The following EFCAB5 variants were observed in gnomAD, a reference collection of about 807,000 sequenced individuals.
The protein encoded by EFCAB5 is EF-hand calcium binding domain 5.
In EFCAB5, 131 loss-of-function variants were observed where a neutral mutation model predicts 167.9. The observed-to-expected ratio is 0.78, with a 90% CI of 0.68 to 0.90. EFCAB5 has a LOEUF of 0.90. EFCAB5 is among the 40% of genes least tolerant of loss of function. The pLI, the probability that EFCAB5 is intolerant of heterozygous loss-of-function variation, is 0.00. For missense variants in EFCAB5, 1,663 were observed against 1,745.2 expected (o/e 0.95, Z 0.84); for synonymous variants, 574 against 602.8 (o/e 0.95, Z 0.70).
At chr17:30,069,490 T>A (rs1435293937) in intron 14 of EFCAB5, 2 of 1,597,360 alleles carry the variant, frequency 1.3e-6, no homozygotes, top group African/African-American at 2.7e-5. Context: ...ACCAGTTAGT[T>A]GTGGGGGCAA....
intron 3 of EFCAB5, among the ~76,000 whole-genome samples, chr17:29,963,095 C>T (rs560752381): frequency 2.0e-5 from 3 of 151,970 alleles, no homozygotes; most frequent in African/African-American, 4.8e-5. Context: ...GCATGTGCTA[C>T]CACACCCAGC....
chr17:29,968,950 A>C lies in EFCAB5; in HGVS notation c.350A>C (p.Asn117Thr), dbSNP rs2067890484. 6.3e-7 allele frequency: 1 copy of C among 1,588,118 alleles called. No homozygotes were observed. Among genetic ancestry groups the C allele is most frequent in the Non-Finnish European group, 8.6e-7 (1 of 1,166,958 alleles). ...AAGCCAGAGCACACATGGAAGAAAAACCTTTTTGAAAGAATGGAGGCAAGA... is the reference window on the plus strand; with the variant it reads ...AAGCCAGAGCACACATGGAAGAAAACCCTTTTTGAAAGAATGGAGGCAAGA... ...KSKPEHTWKK[N>T]LFERMEARAQ... Residue 117 changes from asparagine to threonine, a missense_variant, in exon 4 of 23, where the codon AAC becomes ACC. Transcript: ENST00000394835.
rs1180178203 is a variant in EFCAB5, at chr17:29,997,243, TA to T, written c.973+898del. 5.1e-3 allele frequency among the ~76,000 whole-genome samples: 662 copies of T among 130,540 alleles called. 1 individual carries two copies. The highest frequency in any genetic ancestry group is 0.018 in the East Asian group (85 of 4,618). 85.6% of individuals were successfully genotyped at this position (130,540 alleles called of 152,430 possible). Reference sequence around the variant, plus strand: ...CTGGGTGACAGAGTGAGACTCCTTCTAAAAAAAAAAAAAAAGAAAGAAAGAA... The same window carrying T: ...CTGGGTGACAGAGTGAGACTCCTTCTAAAAAAAAAAAAAAGAAAGAAAGAA... On this transcript the variant is annotated intron_variant, in intron 6 of 22. Coordinates refer to ENST00000394835, the MANE Select transcript of EFCAB5 (RefSeq NM_198529.4).
chr17:30,023,710 C>T (rs1356955699), intron 7 of EFCAB5, among the ~76,000 whole-genome samples: 1 of 152,072 alleles, frequency 6.6e-6, no homozygotes, highest in Admixed American at 6.6e-5. Flanking sequence ...ATACCAAAGC[C>T]GGGCAGAGAC....
chr17:30,056,255 G>A, intron 12 of EFCAB5, 99 bp downstream of exon 12: 1 of 1,059,016 alleles, frequency 9.4e-7, no homozygotes. Context: ...AGCTAAGGCA[G>A]AATGGGAAGG....
chr17:30,050,143 T>G (rs2070046167), intron 8 of EFCAB5, among the ~76,000 whole-genome samples: 1 of 151,860 alleles, frequency 6.6e-6, no homozygotes, highest in Non-Finnish European at 1.5e-5. Flanking sequence ...TTTTTTTCTT[T>G]TTTTTTTTTA....
intron 22 of EFCAB5, among the ~76,000 whole-genome samples, chr17:30,096,652 CATATATATATAT>C (rs200424980): frequency 9.6e-5 from 9 of 93,564 alleles, no homozygotes; most frequent in African/African-American, 4.1e-4. Flanking sequence ...ATCCTGAAAG[CATATATATATAT>C]ATATATATAT....
chr17:30,008,615 T>C lies in EFCAB5; in HGVS notation c.1044+8639T>C, dbSNP rs9899542. Among the ~76,000 whole-genome samples the C allele has an allele frequency of 6.3e-3, 961 of 152,046 alleles. 5 individuals carry two copies. The highest frequency in any genetic ancestry group is 0.022 in the African/African-American group (922 of 41,514). ...AAAAAAAAAAAATTTTTTTATATTT[T>C]AAAATTTAAAATTAATGAAGTTAAT... On this transcript the variant is annotated intron_variant, in intron 7 of 22. Coordinates refer to ENST00000394835, the MANE Select transcript of EFCAB5 (RefSeq NM_198529.4).
At chr17:30,081,285 G>A (rs1199450895) in intron 17 of EFCAB5, among the ~76,000 whole-genome samples, 1 of 152,174 alleles carries the variant, frequency 6.6e-6, no homozygotes, top group Non-Finnish European at 1.5e-5. Flanking sequence ...GACCCACAAA[G>A]CGGGAATGAA....
rs772126405 is a variant in EFCAB5, at chr17:30,055,954, A to G, written c.2261A>G (p.Lys754Arg). ...CEPKSQKIEGKSWSGEFFTCN... is the reference protein window; with the variant it reads ...CEPKSQKIEGRSWSGEFFTCN... ...CCCAAGTCCCAAAAAATAGAAGGAA[A>G]GTCATGGTCAGGTAACTCCTCATTT... Residue 754 changes from lysine to arginine, a missense_variant, in exon 11 of 23, where the codon AAG (lysine) becomes AGG (arginine). Transcript: ENST00000394835. 1 of 1,613,740 alleles carries G rather than the reference A, an allele frequency of 6.2e-7. No individual in the cohort carries two copies. Among genetic ancestry groups the G allele is most frequent in the Non-Finnish European group, 8.5e-7 (1 of 1,179,780 alleles).
chr17:30,108,251 T>C lies in EFCAB5; in HGVS notation c.*227T>C, dbSNP rs996986686. 1.0e-5 allele frequency: 4 copies of C among 381,114 alleles called. No individual in the cohort carries two copies. The highest frequency in any genetic ancestry group is 1.9e-5 in the Non-Finnish European group (4 of 214,206). The allele number at this position is 381,114 out of a possible 1,614,324, so 23.6% of individuals were successfully genotyped here. ...TAGCCAAGTGTATTTAAGTATGTTA[T>C]AGAATATATTTGAAAGCTTCCTTTC... On this transcript the variant is annotated 3_prime_UTR_variant, in exon 23 of 23. Transcript: ENST00000394835.
chr17:30,072,736 G>T (rs1055235618), intron 14 of EFCAB5, among the ~76,000 whole-genome samples: 1 of 152,114 alleles, frequency 6.6e-6, no homozygotes, highest in Admixed American at 6.5e-5. Flanking sequence ...CTTATCAAAA[G>T]TCCTATAGTA....
At chr17:29,937,142 C>T (rs1243808048), upstream of EFCAB5, among the ~76,000 whole-genome samples, 1 of 152,136 alleles carries the variant, frequency 6.6e-6, no homozygotes, top group Non-Finnish European at 1.5e-5. Context: ...CTTCACAGGC[C>T]AAACAGGCAA....
intron 22 of EFCAB5, among the ~76,000 whole-genome samples, chr17:30,105,180 C>T (rs1315384466): frequency 6.6e-6 from 1 of 152,074 alleles, no homozygotes; most frequent in Non-Finnish European, 1.5e-5. Context: ...TGCAGGGTTT[C>T]CAGGAAACTA....
In EFCAB5 at chr17:30,104,337, C is replaced by A. The variant is rs936520476; in HGVS notation, c.4322-3497C>A. On this transcript the variant is annotated intron_variant, in intron 22 of 22. Transcript: ENST00000394835. Reference sequence around the variant, plus strand: ...TTAATCCAGTGTTAAAAGCAGGGATCCATAAATGGAGTTTTAATTCAGAAA... The same window carrying A: ...TTAATCCAGTGTTAAAAGCAGGGATACATAAATGGAGTTTTAATTCAGAAA... 1.7e-4 allele frequency among the ~76,000 whole-genome samples: 26 copies of A among 152,158 alleles called. 1 individual carries two copies. Among genetic ancestry groups the A allele is most frequent in the African/African-American group, 5.6e-4 (23 of 41,430 alleles).
intron 19 of EFCAB5, 124 bp from the exon 20 acceptor site, chr17:30,090,297 C>T (rs970905452): frequency 4.7e-6 from 6 of 1,278,490 alleles, no homozygotes; most frequent in African/African-American, 1.5e-5. Flanking sequence ...GCAGATGAAA[C>T]AGCAAGAAGG....
At chr17:30,010,666 T>C (rs1395669731) in intron 7 of EFCAB5, among the ~76,000 whole-genome samples, 1 of 152,246 alleles carries the variant, frequency 6.6e-6, no homozygotes, top group African/African-American at 2.4e-5. Flanking sequence ...GATTTTTTCT[T>C]GTAAATTTGT....
At chr17:30,019,018 ACACCAGTTTGTTTT>A (rs1474353951) in intron 7 of EFCAB5, among the ~76,000 whole-genome samples, 1 of 152,070 alleles carries the variant, frequency 6.6e-6, no homozygotes, top group East Asian at 1.9e-4. Context: ...TCCTAGCCTG[ACACCAGTTTGTTTT>A]CACTTTGAAT....
chr17:30,057,732 G>A lies in EFCAB5; in HGVS notation c.2422G>A (p.Ala808Thr), dbSNP rs748480108. Residue 808 changes from alanine (A) to threonine (T), a missense_variant, in exon 13 of 23, where the codon GCC becomes ACC. Ala to Thr is a moderately conservative substitution (Grantham distance 58). Transcript: ENST00000394835. ...TTGCAAGGAGGTAAAAGGCAGAACT[G>A]CCTTCAATGGAGTTTCATTCAATCT... ...QSCKEVKGRT[A>T]FNGVSFNLLQ... The A allele has an allele frequency of 5.0e-6, 8 of 1,613,680 alleles. No individual in the cohort carries two copies. The African/African-American group carries it at 6.7e-5, about 13-fold the overall frequency.
Sources: allele counts gnomAD v4.1 joint callset (sites outside exome capture counted in the v4.1 genomes callset), GRCh38; gene constraint gnomAD v4.1.1; transcripts MANE v1.5; gene names NCBI Gene and HGNC (gene_info 2026-07-23, HGNC 2026-07-21).